Variants in ZDHHC13 observed in about 807,000 individuals in gnomAD.
ZDHHC13 encodes zDHHC palmitoyltransferase 13, also known as palmitoyltransferase ZDHHC13.
In ZDHHC13, 85 loss-of-function variants were observed where a neutral mutation model predicts 86.0. The observed-to-expected ratio is 0.99, with a 90% CI of 0.83 to 1.18. The LOEUF (loss-of-function observed/expected upper bound fraction) is 1.18. ZDHHC13 is among the 50% of genes most tolerant of loss of function. ZDHHC13 has a pLI of 0.00. For synonymous variants in ZDHHC13, 263 were observed against 246.4 expected, an observed-to-expected ratio of 1.07 and a Z score of -0.63; for missense variants, 711 against 730.2, an observed-to-expected ratio of 0.97 and a Z score of 0.30.
chr11:19,171,201 A>C, intron 15 of ZDHHC13, among the ~76,000 whole-genome samples: 1 of 152,216 alleles, frequency 6.6e-6, no homozygotes, highest in East Asian at 1.9e-4. Context: ...GCTCCAGGGC[A>C]GTAGTCACCT....
In ZDHHC13 at chr11:19,150,916, A is replaced by G. The variant is rs1331585178; in HGVS notation, c.584+125A>G. ...CATTGAAGAAAATAAGATTTTTCAC[A>G]CAGAGACTGTGATAATTGACTTTTA... On this transcript the variant is annotated intron_variant, in intron 6 of 16. Transcript: ENST00000446113. The G allele has an allele frequency of 1.1e-5, 9 of 783,916 alleles. No homozygotes were observed. In the African/African-American group the frequency reaches 1.5e-4, roughly 13 times the overall value. 48.6% of individuals were successfully genotyped at this position (783,916 alleles called of 1,614,324 possible).
chr11:19,125,817 T>G (rs1383772383), intron 1 of ZDHHC13, among the ~76,000 whole-genome samples: 2 of 152,152 alleles, frequency 1.3e-5, no homozygotes, highest in Admixed American at 1.3e-4. Flanking sequence ...TTGTGCTGAG[T>G]GGAGGAAGCC....
In ZDHHC13 at chr11:19,175,839, A is replaced by T. The variant is rs1850349102; in HGVS notation, c.1748A>T (p.Asn583Ile). 6.2e-7 allele frequency: 1 copy of T among 1,613,370 alleles called. No individual in the cohort carries two copies. The change falls in exon 17 of 17, where the codon AAC (asparagine) becomes ATC (isoleucine). Residue 583 changes from asparagine (N) to isoleucine (I), a missense_variant. Asn to Ile is a moderately radical substitution (Grantham distance 149, BLOSUM62 -3). Transcript: ENST00000446113. ...CTTGGCAGTCTTGGATTCATGCAGA[A>T]CCTGGCAGATTTCTTTCAGTGTGGC... ...KTPYNLGFMQ[N>I]LADFFQCGCF...
chr11:19,152,021 C>G (rs1849621464), intron 6 of ZDHHC13, 137 bp from the exon 7 acceptor site: 1 of 860,310 alleles, frequency 1.2e-6, no homozygotes, highest in Non-Finnish European at 1.7e-6. Flanking sequence ...GAACTCAGTA[C>G]AAAGAAGTTT....
rs187980052 is a variant in ZDHHC13, at chr11:19,147,778, C to T, written c.374+105C>T. On this transcript the variant is annotated intron_variant, in intron 4 of 16. Transcript: ENST00000446113. The stretch of plus-strand genomic sequence containing the variant: ...TTGAAAGGCTGTCTTTTCTTCCCCC[C>T]CCCCCTTTATTTAAAAATAAATTTC... 1,701 of 766,238 alleles carry T rather than the reference C, an allele frequency of 2.2e-3. 49 individuals carry two copies. In the African/African-American group the frequency reaches 0.027, roughly 12 times the overall value. 47.5% of individuals were successfully genotyped at this position (766,238 alleles called of 1,614,324 possible).
intron 12 of ZDHHC13, 56 bp downstream of exon 12, chr11:19,164,419 G>C: frequency 1.3e-6 from 2 of 1,508,752 alleles, no homozygotes; most frequent in East Asian, 4.6e-5. Context: ...TGGTAACGTT[G>C]CTGATGTAAG....
chr11:19,143,225 A>G (rs2133403665), intron 2 of ZDHHC13, 102 bp downstream of exon 2: 11 of 1,230,648 alleles, frequency 8.9e-6, no homozygotes, highest in Non-Finnish European at 1.2e-5. Context: ...TCTTAACTTC[A>G]TAATAGTAGT....
At chr11:19,123,545 GGGTCAGGT>G (rs1156504433) in intron 1 of ZDHHC13, among the ~76,000 whole-genome samples, 1 of 152,102 alleles carries the variant, frequency 6.6e-6, no homozygotes, top group Non-Finnish European at 1.5e-5. Flanking sequence ...CTACTACGGT[GGGTCAGGT>G]GGTAGAATCA....
chr11:19,153,478 T>C (rs1486305974), intron 8 of ZDHHC13, among the ~76,000 whole-genome samples: 1 of 152,208 alleles, frequency 6.6e-6, no homozygotes, highest in Non-Finnish European at 1.5e-5. Context: ...TGTATTCTTA[T>C]GTAGAGGATC....
At chr11:19,172,870 A>C (rs1590096393) in intron 16 of ZDHHC13, 50 bp downstream of exon 16, 2 of 1,507,228 alleles carry the variant, frequency 1.3e-6, no homozygotes, top group Middle Eastern at 3.5e-4. Flanking sequence ...ATCCCTAGTC[A>C]CTGGTTTCCT....
intron 4 of ZDHHC13, 137 bp from the exon 5 acceptor site, chr11:19,149,050 T>A: frequency 1.3e-6 from 1 of 743,842 alleles, no homozygotes; most frequent in South Asian, 4.1e-5. Flanking sequence ...ACAATCACCA[T>A]TGTTTCAAAA....
At chr11:19,156,077 A>G in intron 9 of ZDHHC13, 148 bp downstream of exon 9, 1 of 1,040,792 alleles carries the variant, frequency 9.6e-7, no homozygotes, top group South Asian at 2.0e-5. Context: ...ATGGGAGGAA[A>G]GGGCTCTGGT....
Position 19,172,829 on chromosome 11 carries a change from G to C in ZDHHC13, c.1730+9G>C. 1 of 1,586,946 alleles carries C rather than the reference G, an allele frequency of 6.3e-7. No individual in the cohort carries two copies. The highest frequency in any genetic ancestry group is 2.3e-5 in the East Asian group (1 of 43,706). Reference sequence around the variant, plus strand: ...AGGAAGACACCATACAAGTAAGCGAGACCTGTTTTGGATGCTGAGTCCTGT... The same window carrying C: ...AGGAAGACACCATACAAGTAAGCGACACCTGTTTTGGATGCTGAGTCCTGT... On this transcript the variant is annotated intron_variant, in intron 16 of 16. Coordinates refer to ENST00000446113, the MANE Select transcript of ZDHHC13 (RefSeq NM_019028.3).
At chr11:19,173,178 G>A (rs1296319973) in intron 16 of ZDHHC13, among the ~76,000 whole-genome samples, 2 of 152,124 alleles carry the variant, frequency 1.3e-5, no homozygotes, top group Admixed American at 1.3e-4. Flanking sequence ...CAGCCACAGG[G>A]TGCTCTGTAG....
intron 10 of ZDHHC13, among the ~76,000 whole-genome samples, chr11:19,163,023 A>G (rs1849954210): frequency 6.6e-6 from 1 of 152,120 alleles, no homozygotes; most frequent in Admixed American, 6.6e-5. Flanking sequence ...AGATAAATTT[A>G]TTTGGTCTTG....
intron 1 of ZDHHC13, among the ~76,000 whole-genome samples, chr11:19,142,663 T>C (rs950537202): frequency 1.3e-5 from 2 of 152,154 alleles, no homozygotes; most frequent in African/African-American, 2.4e-5. Flanking sequence ...GTAATTTGGA[T>C]TTTTTGTAAT....
chr11:19,165,379 T>C (rs1463732589), intron 13 of ZDHHC13, among the ~76,000 whole-genome samples: 1 of 152,186 alleles, frequency 6.6e-6, no homozygotes, highest in African/African-American at 2.4e-5. Context: ...ATCTCCATAT[T>C]ACTTGTAAAA....
rs575572344 is a variant in ZDHHC13 at position 19,165,902 on chromosome 11, A to G, written c.1391-400A>G. On this transcript the variant is annotated intron_variant, in intron 13 of 16. Coordinates refer to ENST00000446113, the MANE Select transcript of ZDHHC13 (RefSeq NM_019028.3). ...AGCTAGAAAAGTGTTTGCTTAGTTA[A>G]CTTTATTCTATTCCAGAAGTTGCAC... Among the ~76,000 whole-genome samples, 108 of 152,258 alleles carry G rather than the reference A, an allele frequency of 7.1e-4. 1 individual carries two copies. The highest frequency in any genetic ancestry group is 7.0e-3 in the Admixed American group (107 of 15,282).
intron 10 of ZDHHC13, among the ~76,000 whole-genome samples, chr11:19,159,976 T>C (rs1849865402): frequency 6.6e-6 from 1 of 152,032 alleles, no homozygotes; most frequent in Admixed American, 6.5e-5. Context: ...GATAGAAATA[T>C]ACCTTTCAGT....
Sources: gnomAD v4.1 joint callset for allele counts (sites outside exome capture counted in the v4.1 genomes callset) on GRCh38, gnomAD v4.1.1 for gene constraint, MANE v1.5 for transcripts, NCBI Gene and HGNC (gene_info 2026-07-23, HGNC 2026-07-21) for gene names.